Variants in CACNA1D observed in about 807,000 individuals in gnomAD.
The protein encoded by CACNA1D is voltage-dependent L-type calcium channel subunit alpha-1D.
In CACNA1D, 55 loss-of-function variants were observed where a neutral mutation model predicts 257.1. The observed-to-expected ratio is 0.21, with a 90% CI of 0.17 to 0.27. CACNA1D has a LOEUF of 0.27. Ranked by LOEUF, CACNA1D falls within the 10% of genes least tolerant of loss-of-function variation. The probability of loss-of-function intolerance (pLI) is 1.00; values close to 1 mark genes in which losing one functional copy is unlikely to be tolerated. For missense variants in CACNA1D, 1,876 were observed against 2,784.0 expected, an observed-to-expected ratio of 0.67 and a Z score of 7.34; for synonymous variants, 980 against 1,014.9, an observed-to-expected ratio of 0.97 and a Z score of 0.65.
At chr3:53,695,297 A>G (rs1010853738) in intron 8 of CACNA1D, among the ~76,000 whole-genome samples, 6 of 152,160 alleles carry the variant, frequency 3.9e-5, no homozygotes, top group East Asian at 1.9e-4. Flanking sequence ...TGTCTGGGGA[A>G]GTTGCTGCAT....
At chr3:53,583,305 TCC>T (rs1400469962) in intron 3 of CACNA1D, among the ~76,000 whole-genome samples, 3 of 152,098 alleles carry the variant, frequency 2.0e-5, no homozygotes, top group Non-Finnish European at 4.4e-5. Context: ...ATGTCCGTCT[TCC>T]TGCCTGGTCC....
chr3:53,741,593 G>A (rs1270300241), intron 21 of CACNA1D, among the ~76,000 whole-genome samples: 1 of 152,104 alleles, frequency 6.6e-6, no homozygotes, highest in Non-Finnish European at 1.5e-5. Flanking sequence ...GATGAATTTG[G>A]TTGACACTTC....
chr3:53,529,571 A>G (rs2091879929), intron 3 of CACNA1D, among the ~76,000 whole-genome samples: 1 of 152,176 alleles, frequency 6.6e-6, no homozygotes, highest in African/African-American at 2.4e-5. Flanking sequence ...GCAGAAGTCT[A>G]GTTTTCTTTA....
At chr3:53,582,178 T>C (rs2093143548) in intron 3 of CACNA1D, among the ~76,000 whole-genome samples, 1 of 152,108 alleles carries the variant, frequency 6.6e-6, no homozygotes, top group Non-Finnish European at 1.5e-5. Flanking sequence ...TCTTGGTGGT[T>C]CTTGCCTCAT....
At chr3:53,691,889 TATATATATTAC>T (rs2094531096) in intron 8 of CACNA1D, among the ~76,000 whole-genome samples, 3 of 97,782 alleles carry the variant, frequency 3.1e-5, no homozygotes, top group African/African-American at 1.1e-4. Context: ...TAATATATAT[TATATATATTAC>T]ATATATTATA....
At chr3:53,749,175 G>T (rs1449168975) in intron 26 of CACNA1D, 93 bp from the exon 27 acceptor site, 3 of 848,440 alleles carry the variant, frequency 3.5e-6, no homozygotes, top group Non-Finnish European at 6.0e-6. Context: ...CTCATGAGAG[G>T]AGTTCTGGAG....
At chr3:53,766,430 G>A (rs150329620) in intron 30 of CACNA1D, among the ~76,000 whole-genome samples, 293 of 152,356 alleles carry the variant, frequency 1.9e-3, no homozygotes, top group Middle Eastern at 0.014. Context: ...AATGCCTCGG[G>A]TTACCTGGCC....
chr3:53,561,280 G>C (rs1264397510), intron 3 of CACNA1D, among the ~76,000 whole-genome samples: 1 of 152,104 alleles, frequency 6.6e-6, no homozygotes, highest in Non-Finnish European at 1.5e-5. Context: ...TAATGGTATA[G>C]GTCATTGAAA....
intron 37 of CACNA1D, among the ~76,000 whole-genome samples, chr3:53,778,034 C>A (rs1266161685): frequency 1.3e-5 from 2 of 152,134 alleles, no homozygotes; most frequent in Non-Finnish European, 2.9e-5. Flanking sequence ...TAGACAGAAA[C>A]CAAGGTAGCA....
intron 29 of CACNA1D, among the ~76,000 whole-genome samples, chr3:53,759,384 C>T (rs111704384): frequency 0.014 from 2,158 of 152,362 alleles, 49 homozygotes; most frequent in African/African-American, 0.049. Context: ...GGCTGGCCTC[C>T]AGCACCCATG....
intron 9 of CACNA1D, among the ~76,000 whole-genome samples, chr3:53,715,969 A>G (rs1261395408): frequency 2.6e-5 from 4 of 152,230 alleles, no homozygotes; most frequent in Non-Finnish European, 4.4e-5. Context: ...CATAGAAAAT[A>G]TGTAATTTAT....
At chr3:53,708,729 A>C (rs1325431337) in intron 9 of CACNA1D, among the ~76,000 whole-genome samples, 1 of 152,200 alleles carries the variant, frequency 6.6e-6, no homozygotes, top group Non-Finnish European at 1.5e-5. Context: ...TGCCTACATA[A>C]AAAATTCATG....
chr3:53,774,971 G>A lies in CACNA1D; in HGVS notation c.4202+293G>A, dbSNP rs1343547040. Among the ~76,000 whole-genome samples the A allele has an allele frequency of 6.6e-6, 1 of 152,168 alleles. No homozygotes were observed. The highest frequency in any genetic ancestry group is 1.5e-5 in the Non-Finnish European group (1 of 68,032). ...CCACCTGAAAAATTGTAGGATGTAC[G>A]TTTATGCATGGAGGCATGCACTTGA... is the stretch of plus-strand genomic sequence containing the variant. On this transcript the variant is annotated intron_variant, in intron 34 of 47. Coordinates refer to ENST00000350061, the MANE Select transcript of CACNA1D (RefSeq NM_001128840.3). The surrounding 1 kb of genome is among the most constrained non-coding windows in gnomAD (Gnocchi z 4.3).
rs570676792 is a variant in CACNA1D at position 53,793,385 on chromosome 3, G to A, written c.4923+6433G>A. Among the ~76,000 whole-genome samples the A allele has an allele frequency of 5.3e-5, 8 of 152,330 alleles. No individual in the cohort carries two copies. The highest frequency in any genetic ancestry group is 4.1e-4 in the South Asian group (2 of 4,830). On this transcript the variant is annotated intron_variant, in intron 40 of 47. Transcript: ENST00000350061. The surrounding 1 kb of genome is among the most constrained non-coding windows in gnomAD (Gnocchi z 4.1). ...TCTGTCTGTCTTTGACCCACCCGAC[G>A]TTGAGTTGATTCAGTGCTGAAGGAT...
At chr3:53,734,594 C>T (rs943341918) in intron 19 of CACNA1D, among the ~76,000 whole-genome samples, 18 of 152,168 alleles carry the variant, frequency 1.2e-4, no homozygotes, top group Admixed American at 5.2e-4. Flanking sequence ...AGGACAGCAG[C>T]GAGGTTCTGA....
intron 3 of CACNA1D, among the ~76,000 whole-genome samples, chr3:53,547,646 G>A (rs889308841): frequency 4.6e-5 from 7 of 152,156 alleles, no homozygotes; most frequent in African/African-American, 9.7e-5. Context: ...AGGAAGAAAC[G>A]AGGCAGGGAA....
chr3:53,798,308 C>CGTGT (rs10581353), intron 40 of CACNA1D, among the ~76,000 whole-genome samples: 244 of 148,750 alleles, frequency 1.6e-3, no homozygotes, highest in African/African-American at 4.5e-3. Flanking sequence ...TGTATGTGTG[C>CGTGT]GTGTGTGTGT....
chr3:53,738,553 A>G (rs1479402241), intron 20 of CACNA1D, among the ~76,000 whole-genome samples: 14 of 152,200 alleles, frequency 9.2e-5, no homozygotes, highest in Non-Finnish European at 2.1e-4. Context: ...GAGCTAGTCT[A>G]GGATTCGCAT....
chr3:53,731,918 GA>G, intron 17 of CACNA1D, 97 bp from the exon 18 acceptor site: 1 of 801,794 alleles, frequency 1.2e-6, no homozygotes, highest in South Asian at 1.4e-5. Flanking sequence ...CTTTGGGGAG[GA>G]ATCCATGCCC....
Sources: allele counts gnomAD v4.1 joint callset (sites outside exome capture counted in the v4.1 genomes callset), GRCh38; gene constraint gnomAD v4.1.1; non-coding constraint Gnocchi (gnomAD v3.1); transcripts MANE v1.5; gene names NCBI Gene and HGNC (gene_info 2026-07-23, HGNC 2026-07-21).